The following ATP10B variants were observed in gnomAD, a reference collection of about 807,000 sequenced individuals.
ATP10B encodes the protein ATPase phospholipid transporting 10B (putative), also known as phospholipid-transporting ATPase VB.
A neutral mutation model predicts 141.2 loss-of-function variants in ATP10B; 122 were observed. That is an observed-to-expected ratio of 0.86 (90% CI 0.75 to 1.00). ATP10B has a LOEUF of 1.00. Ranked by LOEUF, ATP10B falls within the 50% of genes least tolerant of loss-of-function variation. The pLI, the probability that ATP10B is intolerant of heterozygous loss-of-function variation, is 0.00. For synonymous variants in ATP10B, 685 were observed against 692.0 expected (o/e 0.99, Z 0.16); for missense variants, 1,876 against 1,825.3 (o/e 1.03, Z -0.51).
At chr5:160,831,575 A>G (rs1035056780) in intron 1 of ATP10B, among the ~76,000 whole-genome samples, 8 of 152,180 alleles carry the variant, frequency 5.3e-5, no homozygotes, top group African/African-American at 1.9e-4. Flanking sequence ...TTATGAGGTA[A>G]CACCTCAGGC....
chr5:160,801,679 A>G (rs1772376608), intron 1 of ATP10B, among the ~76,000 whole-genome samples: 1 of 152,182 alleles, frequency 6.6e-6, no homozygotes, highest in African/African-American at 2.4e-5. Flanking sequence ...AGACGACAGG[A>G]GTTCTAACTC....
chr5:160,636,205 G>A lies in ATP10B; in HGVS notation c.1105C>T (p.Leu369Phe). 6.2e-7 allele frequency: 1 copy of A among 1,611,664 alleles called. No homozygotes were observed. Among genetic ancestry groups the A allele is most frequent in the Non-Finnish European group, 8.5e-7 (1 of 1,178,938 alleles). ...ACCTGGAGCAGGATGATCATTGTGA[G>A]GAACATGTAGAAGCCCCCAAGGGCA... ...PSALGGFYMF[L>F]TMIILLQVLI... Residue 369 changes from leucine (L) to phenylalanine (F), a missense_variant, in exon 11 of 26, where the codon CTC (leucine) becomes TTC (phenylalanine). Transcript: ENST00000327245.
In ATP10B at chr5:160,647,269, G is replaced by C. The variant is rs180825434; in HGVS notation, c.761+1902C>G. On this transcript the variant is annotated intron_variant, in intron 8 of 25. Coordinates refer to ENST00000327245, the MANE Select transcript of ATP10B (RefSeq NM_025153.3). ...CCAGAGGCATCAGACCAGTGGGTCT[G>C]CTCAGGAAGAAGGTGGAGACCATCT... Among the ~76,000 whole-genome samples the C allele has an allele frequency of 4.6e-3, 703 of 152,320 alleles. 6 individuals are homozygous for C. The highest frequency in any genetic ancestry group is 4.4e-3 in the Non-Finnish European group (302 of 68,022).
At chr5:160,617,060 G>A (rs1758061612) in intron 16 of ATP10B, among the ~76,000 whole-genome samples, 1 of 152,202 alleles carries the variant, frequency 6.6e-6, no homozygotes, top group South Asian at 2.1e-4. Flanking sequence ...TGGCTTTAAA[G>A]TGGGCACTCC....
At chr5:160,758,753 T>C (rs1188777673) in intron 2 of ATP10B, among the ~76,000 whole-genome samples, 1 of 152,150 alleles carries the variant, frequency 6.6e-6, no homozygotes, top group East Asian at 1.9e-4. Flanking sequence ...CAGGGTCATG[T>C]TTTGGAACAT....
the ATP10B span, among the ~76,000 whole-genome samples, chr5:160,873,385 T>A: frequency 2.0e-5 from 3 of 152,134 alleles, no homozygotes; most frequent in Non-Finnish European, 2.9e-5. Context: ...ATAGTAGAAG[T>A]CCTAGCTAAT....
intron 1 of ATP10B, among the ~76,000 whole-genome samples, chr5:160,829,450 A>T (rs542306543): frequency 1.6e-4 from 25 of 151,906 alleles, no homozygotes; most frequent in Non-Finnish European, 2.9e-4. Context: ...TTTTGGTTTC[A>T]TATGCGTTTT....
chr5:160,729,544 A>G (rs1423779704), intron 2 of ATP10B, among the ~76,000 whole-genome samples: 1 of 152,216 alleles, frequency 6.6e-6, no homozygotes, highest in Admixed American at 6.5e-5. Flanking sequence ...ACAAAAGGCT[A>G]ACTAAATCAG....
Position 160,720,465 on chromosome 5 carries a change from A to G in ATP10B, c.-330-3431T>C, listed in dbSNP as rs538980673. Reference sequence around the variant, plus strand: ...CTTCTTAAACACTTTTCTTTGCTCCAGGGTCCTCTGGACTGAATTAAAATT... The same window carrying G: ...CTTCTTAAACACTTTTCTTTGCTCCGGGGTCCTCTGGACTGAATTAAAATT... On this transcript the variant is annotated intron_variant, in intron 2 of 25. Coordinates refer to ENST00000327245, the MANE Select transcript of ATP10B (RefSeq NM_025153.3). Among the ~76,000 whole-genome samples the G allele has an allele frequency of 3.4e-4, 52 of 152,218 alleles. 1 individual carries two copies. Among genetic ancestry groups the G allele is most frequent in the Non-Finnish European group, 4.3e-4 (29 of 68,034 alleles).
chr5:160,875,386 G>A, the ATP10B span, among the ~76,000 whole-genome samples: 1,565 of 104,484 alleles, frequency 0.015, 49 homozygotes, highest in East Asian at 0.07. Flanking sequence ...TGAAGGAAGC[G>A]CTAAACATGG....
intron 7 of ATP10B, among the ~76,000 whole-genome samples, chr5:160,654,441 C>T (rs994362332): frequency 6.6e-6 from 1 of 152,092 alleles, no homozygotes; most frequent in Non-Finnish European, 1.5e-5. Context: ...TCTTGCTTTC[C>T]AGCAAAAGGC....
chr5:160,830,192 G>A (rs1041034729), intron 1 of ATP10B, among the ~76,000 whole-genome samples: 2 of 151,946 alleles, frequency 1.3e-5, no homozygotes, highest in Non-Finnish European at 2.9e-5. Flanking sequence ...CATCTATCGA[G>A]GTTATGTGGT....
chr5:160,634,193 G>T, intron 12 of ATP10B, 161 bp downstream of exon 12: 1 of 972,212 alleles, frequency 1.0e-6, no homozygotes. Context: ...GAACAGCCCT[G>T]ATCTGTGACA....
At chr5:160,702,813 G>T (rs1010273542) in intron 3 of ATP10B, among the ~76,000 whole-genome samples, 1 of 152,118 alleles carries the variant, frequency 6.6e-6, no homozygotes, top group African/African-American at 2.4e-5. Context: ...TCTGTCTCAG[G>T]AAAGGCTTTC....
At chr5:160,610,396 C>T (rs748374946) in intron 18 of ATP10B, among the ~76,000 whole-genome samples, 2 of 152,100 alleles carry the variant, frequency 1.3e-5, no homozygotes, top group South Asian at 4.1e-4. Context: ...ACCTGTTGAG[C>T]CGTCAGATGA....
At chr5:160,609,757 T>C (rs1466726366) in intron 18 of ATP10B, among the ~76,000 whole-genome samples, 2 of 152,180 alleles carry the variant, frequency 1.3e-5, no homozygotes, top group Non-Finnish European at 2.9e-5. Flanking sequence ...AAATTGAGTG[T>C]TGCAGGCACT....
intron 24 of ATP10B, among the ~76,000 whole-genome samples, chr5:160,570,855 ATTC>A (rs1754834622): frequency 6.6e-6 from 1 of 152,134 alleles, no homozygotes; most frequent in Non-Finnish European, 1.5e-5. Context: ...TGAATATGGA[ATTC>A]TTGTTAGGCA....
chr5:160,636,220 C>T lies in ATP10B; in HGVS notation c.1090G>A (p.Gly364Ser). Residue 364 changes from glycine to serine, a missense_variant, in exon 11 of 26, where the codon GGC becomes AGC. Transcript: ENST00000327245. ...ATCATTGTGAGGAACATGTAGAAGC[C>T]CCCAAGGGCACTGGGAAGGAAGCTG... is the stretch of plus-strand genomic sequence containing the variant. ...NGSFLPSALGGFYMFLTMIIL... is the reference protein window; with the variant it reads ...NGSFLPSALGSFYMFLTMIIL... The T allele has an allele frequency of 6.2e-7, 1 of 1,613,264 alleles. No individual in the cohort carries two copies. The highest frequency in any genetic ancestry group is 8.5e-7 in the Non-Finnish European group (1 of 1,179,624).
intron 3 of ATP10B, among the ~76,000 whole-genome samples, chr5:160,716,298 T>G (rs988168179): frequency 6.6e-6 from 1 of 152,238 alleles, no homozygotes; most frequent in African/African-American, 2.4e-5. Flanking sequence ...GGGTTAACTA[T>G]TATTTTGCTG....
Sources: gnomAD v4.1 joint callset for allele counts (sites outside exome capture counted in the v4.1 genomes callset) on GRCh38, gnomAD v4.1.1 for gene constraint, MANE v1.5 for transcripts, NCBI Gene and HGNC (gene_info 2026-07-23, HGNC 2026-07-21) for gene names.